ADAM12: variants seen among roughly 807,000 people sequenced by gnomAD.
ADAM12 encodes disintegrin and metalloproteinase domain-containing protein 12.
A neutral mutation model predicts 106.4 loss-of-function variants in ADAM12; 70 were observed. The observed-to-expected ratio is 0.66, with a 90% CI of 0.54 to 0.80. The LOEUF is 0.80. ADAM12 is among the 30% of genes least tolerant of loss of function. The pLI, the probability that ADAM12 is intolerant of heterozygous loss-of-function variation, is 0.00. For missense variants in ADAM12, 1,010 were observed against 1,171.9 expected (o/e 0.86, Z 2.02); for synonymous variants, 420 against 433.5 (o/e 0.97, Z 0.39).
rs775026440 is a variant in ADAM12, at chr10:126,155,241, C to T, written c.325G>A (p.Ala109Thr). Residue 109 changes from alanine (A) to threonine (T), a missense_variant, in exon 4 of 23, where the codon GCT (alanine) becomes ACT (threonine). Physicochemically the swap from Ala to Thr is moderately conservative, Grantham distance 58 (BLOSUM62 0). This residue lies in a region of ADAM12 where 391 missense variants were observed against 442.9 expected (regional missense o/e 0.88). Coordinates refer to ENST00000448723, the MANE Select transcript of ADAM12 (RefSeq NM_001288973.2). ...GCCAGAATTACCGTGTAATTTCGAG[C>T]GAGGGAGACATCAGTACCGTCTTGC... ...YLQDGTDVSL[A>T]RNYTGHCYYH... 44 of 1,613,830 alleles carry T rather than the reference C, an allele frequency of 2.7e-5. No individual in the cohort carries two copies. Among genetic ancestry groups the T allele is most frequent in the Admixed American group, 1.2e-4 (7 of 59,988 alleles).
intron 12 of ADAM12, among the ~76,000 whole-genome samples, chr10:126,069,572 G>A (rs531267543): frequency 6.6e-6 from 1 of 152,348 alleles, no homozygotes; most frequent in African/African-American, 2.4e-5. Flanking sequence ...AAAAGAGGGA[G>A]GATCAGAATA....
chr10:126,038,832 T>G (rs1049206672), intron 19 of ADAM12, among the ~76,000 whole-genome samples: 1 of 151,974 alleles, frequency 6.6e-6, no homozygotes, highest in Non-Finnish European at 1.5e-5. Flanking sequence ...TGGCAGAAAT[T>G]TAAAACAAGA....
intron 21 of ADAM12, among the ~76,000 whole-genome samples, chr10:126,028,685 C>T (rs1953921265): frequency 6.6e-6 from 1 of 152,110 alleles, no homozygotes; most frequent in South Asian, 2.1e-4. Flanking sequence ...CATATAAAAC[C>T]CAAAACTATA....
chr10:126,120,222 AC>A (rs1956060423), intron 5 of ADAM12, among the ~76,000 whole-genome samples: 1 of 152,342 alleles, frequency 6.6e-6, no homozygotes, highest in Non-Finnish European at 1.5e-5. Context: ...AAAGTTCACT[AC>A]AAATCAACTG....
intron 3 of ADAM12, among the ~76,000 whole-genome samples, chr10:126,173,580 G>C (rs1418314460): frequency 1.3e-5 from 2 of 152,178 alleles, no homozygotes; most frequent in Admixed American, 6.5e-5. Context: ...AGAACTGCTG[G>C]TATGTAGGAG....
intron 21 of ADAM12, among the ~76,000 whole-genome samples, chr10:126,034,510 CA>C (rs1004684722): frequency 2.6e-5 from 4 of 151,998 alleles, no homozygotes; most frequent in Admixed American, 1.3e-4. Context: ...CACAATGAAA[CA>C]AAAACCAGAG....
intron 2 of ADAM12, among the ~76,000 whole-genome samples, chr10:126,292,485 G>A (rs1238494782): frequency 6.6e-6 from 1 of 152,072 alleles, no homozygotes; most frequent in Non-Finnish European, 1.5e-5. Flanking sequence ...TTTTATTAAT[G>A]CAGGGCTCAA....
intron 3 of ADAM12, among the ~76,000 whole-genome samples, chr10:126,252,422 T>A (rs1215610172): frequency 6.6e-6 from 1 of 152,130 alleles, no homozygotes; most frequent in African/African-American, 2.4e-5. Flanking sequence ...TGGTGGCATA[T>A]CTCAGTCCAA....
intron 1 of ADAM12, among the ~76,000 whole-genome samples, chr10:126,368,079 ATG>A (rs938763670): frequency 2.0e-5 from 3 of 151,898 alleles, no homozygotes; most frequent in Non-Finnish European, 2.9e-5. Context: ...GTGCATGTGT[ATG>A]TGTGTATATA....
intron 2 of ADAM12, among the ~76,000 whole-genome samples, chr10:126,310,799 G>T (rs978645174): frequency 2.0e-5 from 3 of 152,162 alleles, no homozygotes; most frequent in Non-Finnish European, 4.4e-5. Context: ...AGTAGCACAG[G>T]TACAGGGAAA....
chr10:126,121,002 C>T (rs1225393764), intron 5 of ADAM12, among the ~76,000 whole-genome samples: 1 of 125,104 alleles, frequency 8.0e-6, no homozygotes, highest in Non-Finnish European at 1.6e-5. Context: ...TTATATATTA[C>T]ATATGCAATA....
At chr10:126,124,455 C>T (rs1372940512) in intron 5 of ADAM12, among the ~76,000 whole-genome samples, 2 of 152,166 alleles carry the variant, frequency 1.3e-5, no homozygotes, top group Non-Finnish European at 2.9e-5. Flanking sequence ...TATTCTTTAT[C>T]CTTTTACTAT....
At chr10:126,375,136 C>G (rs1444514871) in intron 1 of ADAM12, among the ~76,000 whole-genome samples, 1 of 151,394 alleles carries the variant, frequency 6.6e-6, no homozygotes, top group African/African-American at 2.4e-5. Flanking sequence ...AAAAGAAAAA[C>G]ATTTTCCAGG....
At chr10:126,251,927 A>AGAAC (rs1958782631) in intron 3 of ADAM12, among the ~76,000 whole-genome samples, 4 of 38,272 alleles carry the variant, frequency 1.0e-4, no homozygotes, top group East Asian at 7.2e-4. Context: ...TGGGATGGAT[A>AGAAC]GGATGGATGG....
At position 126,102,181 on chromosome 10, in the gene ADAM12, T is replaced by C. The variant is rs111482257; in HGVS notation, c.742-940A>G. Among the ~76,000 whole-genome samples the C allele has an allele frequency of 8.7e-3, 1,317 of 152,156 alleles. 16 individuals carry two copies. Among genetic ancestry groups the C allele is most frequent in the African/African-American group, 0.03 (1,225 of 41,502 alleles). The stretch of plus-strand genomic sequence containing the variant: ...AGGTATGACCTACCCATTGTCCTCA[T>C]AGGCATCACATAGACAAGCAGATGG... On this transcript the variant is annotated intron_variant, in intron 8 of 22. Coordinates refer to ENST00000448723, the MANE Select transcript of ADAM12 (RefSeq NM_001288973.2).
In ADAM12 at chr10:126,110,909, G is replaced by C. The variant is rs1347468318; in HGVS notation, c.604-1069C>G. Among the ~76,000 whole-genome samples, 3 of 152,290 alleles carry C rather than the reference G, an allele frequency of 2.0e-5. No individual in the cohort carries two copies. In the East Asian group the frequency reaches 5.8e-4, roughly 29 times the overall value. On this transcript the variant is annotated intron_variant, in intron 6 of 22. Coordinates refer to ENST00000448723, the MANE Select transcript of ADAM12 (RefSeq NM_001288973.2). ...TTTGGTCCTGATGACTGATATTGCTGGTTTATGAGTTAACTACACACACTG... is the reference window on the plus strand; with the variant it reads ...TTTGGTCCTGATGACTGATATTGCTCGTTTATGAGTTAACTACACACACTG...
At chr10:126,060,451 G>A (rs75043911) in intron 14 of ADAM12, among the ~76,000 whole-genome samples, 1,768 of 152,286 alleles carry the variant, frequency 0.012, 18 homozygotes, top group Middle Eastern at 0.054. Context: ...AATGTCAAGG[G>A]CCGGTGGGGC....
At chr10:126,296,683 C>T (rs1328188813) in intron 2 of ADAM12, among the ~76,000 whole-genome samples, 3 of 152,114 alleles carry the variant, frequency 2.0e-5, no homozygotes, top group African/African-American at 7.2e-5. Context: ...TCACTGAGAC[C>T]CCATGTTTCC....
intron 1 of ADAM12, among the ~76,000 whole-genome samples, chr10:126,371,007 C>T (rs1856095495): frequency 6.6e-6 from 1 of 152,216 alleles, no homozygotes; most frequent in Admixed American, 6.5e-5. Context: ...GGTGTCATCA[C>T]TATTAGTTAT....
Sources: allele counts gnomAD v4.1 joint callset (sites outside exome capture counted in the v4.1 genomes callset), GRCh38; gene constraint gnomAD v4.1.1; regional missense constraint gnomAD v4.1.1; transcripts MANE v1.5; gene names NCBI Gene and HGNC (gene_info 2026-07-23, HGNC 2026-07-21).